Variants in GRPR observed in about 807,000 individuals in gnomAD.
GRPR encodes the protein gastrin releasing peptide receptor, also known as gastrin-releasing peptide receptor.
A neutral mutation model predicts 15.6 loss-of-function variants in GRPR; 4 were observed. The ratio of observed to expected loss-of-function variants is 0.26; its 90% CI spans 0.13 to 0.59. The LOEUF (loss-of-function observed/expected upper bound fraction) is 0.59. Among genes scored for constraint, GRPR ranks in the 20% least tolerant of loss-of-function variants. The pLI is 0.90. For missense variants in GRPR, 270 were observed against 304.1 expected (o/e 0.89, Z 0.83); for synonymous variants, 128 against 126.8 (o/e 1.01, Z -0.06).
Position 16,124,264 on chromosome X carries a change from A to G in GRPR, c.311A>G (p.Asp104Gly). Residue 104 changes from aspartate (D) to glycine (G), a missense_variant, in exon 1 of 3, where the codon GAC becomes GGC. By Grantham distance (94) the Asp-to-Gly change is moderately conservative (BLOSUM62 -1). Coordinates refer to ENST00000380289, the MANE Select transcript of GRPR (RefSeq NM_005314.3). ...APVDASRYLA[D>G]RWLFGRIGCK... ...GTGGATGCCAGCAGGTACCTGGCTG[A>G]CAGATGGCTATTTGGCAGGATTGGC... is the stretch of plus-strand genomic sequence containing the variant. The G allele has an allele frequency of 8.3e-7, 1 of 1,208,381 alleles. No homozygotes were observed. Among genetic ancestry groups the G allele is most frequent in the Non-Finnish European group, 1.1e-6 (1 of 892,241 alleles).
intron 1 of GRPR, among the ~76,000 whole-genome samples, chrX:16,144,897 G>A (rs1922582600): frequency 2.7e-5 from 3 of 111,882 alleles, no homozygotes; most frequent in Non-Finnish European, 5.6e-5. Flanking sequence ...CAATTAATTA[G>A]CAAGTATTTG....
intron 1 of GRPR, among the ~76,000 whole-genome samples, chrX:16,138,805 C>T (rs1922486565): frequency 8.9e-6 from 1 of 112,015 alleles, no homozygotes; most frequent in Non-Finnish European, 1.9e-5. Context: ...AGGACATTCA[C>T]AGTGCTGTGC....
intron 1 of GRPR, among the ~76,000 whole-genome samples, chrX:16,135,820 G>T (rs947289772): frequency 8.9e-6 from 1 of 112,200 alleles, no homozygotes; most frequent in Non-Finnish European, 1.9e-5. Context: ...GATCAGAACA[G>T]ATTTCTAAGA....
At chrX:16,134,659 G>A (rs774964016) in intron 1 of GRPR, among the ~76,000 whole-genome samples, 10 of 110,973 alleles carry the variant, frequency 9.0e-5, no homozygotes, top group Non-Finnish European at 1.9e-4. Flanking sequence ...AAAGCCTGAG[G>A]TGTTAACCTG....
chrX:16,145,126 T>C (rs779844555), intron 1 of GRPR, among the ~76,000 whole-genome samples: 6 of 111,808 alleles, frequency 5.4e-5, no homozygotes, highest in African/African-American at 1.6e-4. Flanking sequence ...AGAGCTACCA[T>C]ATGATCCAGC....
At chrX:16,138,385 C>G (rs998401802) in intron 1 of GRPR, among the ~76,000 whole-genome samples, 1 of 111,918 alleles carries the variant, frequency 8.9e-6, no homozygotes, top group Non-Finnish European at 1.9e-5. Flanking sequence ...GCTCTCAATT[C>G]TGTACAAAAG....
intron 1 of GRPR, among the ~76,000 whole-genome samples, chrX:16,133,802 TGATTTTC>T (rs1190202013): frequency 1.8e-5 from 2 of 111,999 alleles, no homozygotes. Flanking sequence ...TCTTTCTTTC[TGATTTTC>T]AGCAGTATTA....
In GRPR at chrX:16,124,089, G is replaced by T; in HGVS notation, c.136G>T (p.Val46Phe). The T allele has an allele frequency of 8.3e-7, 1 of 1,209,950 alleles. No homozygotes were observed. The highest frequency in any genetic ancestry group is 1.1e-6 in the Non-Finnish European group (1 of 893,865). ...GGGGATCCTCTATGTCATCCCTGCA[G>T]TTTATGGGGTTATCATTCTGATAGG... ...HPGILYVIPA[V>F]YGVIILIGLI... Residue 46 changes from valine to phenylalanine, a missense_variant, in exon 1 of 3, where the codon GTT (valine) becomes TTT (phenylalanine). By Grantham distance (50) the Val-to-Phe change is conservative. Transcript: ENST00000380289.
intron 1 of GRPR, among the ~76,000 whole-genome samples, chrX:16,142,430 T>C (rs1922542895): frequency 9.0e-6 from 1 of 111,158 alleles, no homozygotes; most frequent in Non-Finnish European, 1.9e-5. Flanking sequence ...TTGTTGTGTT[T>C]TGTTTTGCTG....
At chrX:16,127,731 A>G (rs948490639) in intron 1 of GRPR, among the ~76,000 whole-genome samples, 9 of 111,881 alleles carry the variant, frequency 8.0e-5, no homozygotes, top group African/African-American at 2.9e-4. Flanking sequence ...TAGTTTAATC[A>G]TCTATAAAAT....
Position 16,152,849 on chromosome X carries a change from G to A in GRPR, c.*204G>A, listed in dbSNP as rs1922737773. 1 of 433,462 alleles carries A rather than the reference G, an allele frequency of 2.3e-6. No homozygotes were observed. Among genetic ancestry groups the A allele is most frequent in the African/African-American group, 2.5e-5 (1 of 40,575 alleles). 35.7% of individuals were successfully genotyped at this position (433,462 alleles called of 1,213,427 possible). On this transcript the variant is annotated 3_prime_UTR_variant, in exon 3 of 3. Coordinates refer to ENST00000380289, the MANE Select transcript of GRPR (RefSeq NM_005314.3). ...AGTCTTAAGTTTTTCATTTCAACTT[G>A]TGAACGTTTCTTCTGATGTGAAGCA...
In GRPR at chrX:16,124,049, T is replaced by C; in HGVS notation, c.96T>C (p.Asp32=). 2 of 1,206,462 alleles carry C rather than the reference T, an allele frequency of 1.7e-6. No homozygotes were observed. Among genetic ancestry groups the C allele is most frequent in the Non-Finnish European group, 1.1e-6 (1 of 890,535 alleles). ...SSHSADLPVN[D]DWSHPGILYV... ...ACAGTGCGGATCTCCCCGTGAACGA[T>C]GACTGGTCCCACCCGGGGATCCTCT... The change falls in exon 1 of 3, where the codon GAT becomes GAC. Residue 32 remains aspartate, a synonymous_variant. Coordinates refer to ENST00000380289, the MANE Select transcript of GRPR (RefSeq NM_005314.3).
rs757612428 is a variant in GRPR at position 16,123,580 on chromosome X, C to T, written c.-374C>T. 1.9e-4 allele frequency: 32 copies of T among 165,137 alleles called. No homozygotes were observed. Among genetic ancestry groups the T allele is most frequent in the South Asian group, 7.1e-4 (5 of 7,059 alleles). The allele number at this position is 165,137 out of a possible 1,213,427, so 13.6% of individuals were successfully genotyped here. On this transcript the variant is annotated 5_prime_UTR_variant, in exon 1 of 3. It adds an upstream start codon to the 5' untranslated region. Coordinates refer to ENST00000380289, the MANE Select transcript of GRPR (RefSeq NM_005314.3). ...TCCAGATTCTAAATATCAGGAAAGA[C>T]GCTGTGGGAAAATAGCAGGCCAAAA...
chrX:16,150,808 A>C, intron 2 of GRPR, 152 bp downstream of exon 2: 1 of 491,787 alleles, frequency 2.0e-6, no homozygotes, highest in Non-Finnish European at 3.6e-6. Context: ...CTAGCCATGG[A>C]AACCCAAGGT....
In GRPR at chrX:16,123,574, G is replaced by C; in HGVS notation, c.-380G>C. On this transcript the variant is annotated 5_prime_UTR_variant, in exon 1 of 3. Transcript: ENST00000380289. ...TAAACCTCCAGATTCTAAATATCAG[G>C]AAAGACGCTGTGGGAAAATAGCAGG... 2 of 165,010 alleles carry C rather than the reference G, an allele frequency of 1.2e-5. No individual in the cohort carries two copies. The highest frequency in any genetic ancestry group is 1.1e-5 in the Non-Finnish European group (1 of 87,090). 13.6% of individuals were successfully genotyped at this position (165,010 alleles called of 1,213,427 possible). A position where few individuals can be genotyped will look rare whatever the true frequency, so the allele number is the denominator to read the frequency against.
chrX:16,139,445 ATGAGATTTTTT>A (rs1308549560), intron 1 of GRPR, among the ~76,000 whole-genome samples: 2 of 110,368 alleles, frequency 1.8e-5, no homozygotes, highest in African/African-American at 3.4e-5. Context: ...TTCTTAAAAC[ATGAGATTTTTT>A]TGAGATTTTT....
rs141340881 is a variant in GRPR, at chrX:16,150,611, T to C, written c.720T>C (p.Ser240=). 3.4e-4 allele frequency: 409 copies of C among 1,192,321 alleles called. 2 individuals carry two copies. The highest frequency in any genetic ancestry group is 4.4e-4 in the Non-Finnish European group (391 of 878,870). ...YYFIAKNLIQ[S]AYNLPVEGNI... is the part of the protein sequence containing the mutation. ...TCATTGCTAAAAATCTGATCCAGAG[T>C]GCTTACAATCTTCCCGTGGAAGGGA... The change falls in exon 2 of 3, where the codon AGT becomes AGC. Residue 240 remains serine, a synonymous_variant. Transcript: ENST00000380289.
At chrX:16,147,248 AAC>A (rs1319581356) in intron 1 of GRPR, among the ~76,000 whole-genome samples, 3 of 112,086 alleles carry the variant, frequency 2.7e-5, no homozygotes, top group African/African-American at 9.7e-5. Context: ...TCTTTTAAGA[AAC>A]ACATAGCCGC....
chrX:16,133,603 C>T (rs886289443), intron 1 of GRPR, among the ~76,000 whole-genome samples: 3 of 111,202 alleles, frequency 2.7e-5, no homozygotes, highest in Non-Finnish European at 5.7e-5. Context: ...CTGAAAGTGT[C>T]TTTGTTTCAT....
Sources: allele counts gnomAD v4.1 joint callset (sites outside exome capture counted in the v4.1 genomes callset), GRCh38; gene constraint gnomAD v4.1.1; transcripts MANE v1.5; gene names NCBI Gene and HGNC (gene_info 2026-07-23, HGNC 2026-07-21).